FLT1: variants seen among roughly 807,000 people sequenced by gnomAD.
FLT1 encodes vascular endothelial growth factor receptor 1.
FLT1 carries 49 observed loss-of-function variants against 156.3 expected under a neutral mutation model. The ratio of observed to expected loss-of-function variants is 0.31; its 90% CI spans 0.25 to 0.40. The LOEUF (loss-of-function observed/expected upper bound fraction) is 0.40. Among genes scored for constraint, FLT1 ranks in the 10% least tolerant of loss-of-function variants. The pLI is 1.00. For synonymous variants in FLT1, 594 were observed against 583.8 expected, an observed-to-expected ratio of 1.02 and a Z score of -0.25; for missense variants, 1,322 against 1,637.2, an observed-to-expected ratio of 0.81 and a Z score of 3.32.
At chr13:28,402,637 A>G (rs1266311215) in intron 11 of FLT1, among the ~76,000 whole-genome samples, 3 of 152,148 alleles carry the variant, frequency 2.0e-5, no homozygotes, top group Non-Finnish European at 4.4e-5. Flanking sequence ...AGTGCAAACA[A>G]TTGTTTAACA....
intron 10 of FLT1, among the ~76,000 whole-genome samples, chr13:28,411,546 C>CAAAAAAAAAAAAAAAAAA (rs71086852): frequency 1.2e-5 from 1 of 84,740 alleles, no homozygotes; most frequent in Non-Finnish European, 2.3e-5. Flanking sequence ...AACTCCATCT[C>CAAAAAAAAAAAAAAAAAA]AAAAAAAAAA....
At chr13:28,325,564 C>A (rs1413549066) in intron 20 of FLT1, among the ~76,000 whole-genome samples, 1 of 152,100 alleles carries the variant, frequency 6.6e-6, no homozygotes, top group African/African-American at 2.4e-5. Context: ...CCTGTAATCC[C>A]AGCACTTTGT....
intron 3 of FLT1, among the ~76,000 whole-genome samples, chr13:28,440,473 C>T (rs1227265985): frequency 1.3e-5 from 2 of 152,178 alleles, no homozygotes; most frequent in Admixed American, 6.5e-5. Context: ...GAAAGGGCTG[C>T]CAGCAGGTGA....
At chr13:28,419,699 G>A (rs990147715) in intron 10 of FLT1, among the ~76,000 whole-genome samples, 16 of 152,170 alleles carry the variant, frequency 1.1e-4, no homozygotes, top group African/African-American at 1.4e-4. Flanking sequence ...CTAACATGGC[G>A]AAACCGCGTC....
chr13:28,322,421 TTATTGGAACA>T lies in FLT1; in HGVS notation c.2954-72_2954-63del. Reference sequence around the variant, plus strand: ...TCTTGTTATCCCACCAAATCCCAGTTTATTGGAACAATGTTAGCAAAACATAAAACAAACC... The same window carrying T: ...TCTTGTTATCCCACCAAATCCCAGTTATGTTAGCAAAACATAAAACAAACC... On this transcript the variant is annotated intron_variant, in intron 21 of 29. Transcript: ENST00000282397. The surrounding 1 kb of genome is among the most constrained non-coding windows in gnomAD (Gnocchi z 4.3). The T allele has an allele frequency of 9.5e-7, 1 of 1,057,186 alleles. No individual in the cohort carries two copies. Among genetic ancestry groups the T allele is most frequent in the Non-Finnish European group, 1.5e-6 (1 of 674,958 alleles). 65.5% of individuals were successfully genotyped at this position (1,057,186 alleles called of 1,614,324 possible).
chr13:28,354,493 G>T lies in FLT1; in HGVS notation c.2248+3061C>A, dbSNP rs115498046. 7.2e-3 allele frequency among the ~76,000 whole-genome samples: 1,097 copies of T among 152,158 alleles called. 4 individuals are homozygous for T. Among genetic ancestry groups the T allele is most frequent in the African/African-American group, 0.025 (1,025 of 41,480 alleles). On this transcript the variant is annotated intron_variant, in intron 15 of 29. Transcript: ENST00000282397. ...TAAACTATTTCAAGAAAACAATCTT[G>T]TTACCCCCATGTTGTCTCTTTTTTG... is the stretch of plus-strand genomic sequence containing the variant.
intron 18 of FLT1, 43 bp from the exon 19 acceptor site, chr13:28,329,771 G>A: frequency 6.6e-7 from 1 of 1,507,020 alleles, no homozygotes. Flanking sequence ...AGGACAATGG[G>A]GCTCCTTCCG....
At chr13:28,313,387 C>T (rs1007195328) in intron 25 of FLT1, among the ~76,000 whole-genome samples, 3 of 152,172 alleles carry the variant, frequency 2.0e-5, no homozygotes, top group Admixed American at 1.3e-4. Context: ...GGCCAGAGGT[C>T]CATACACACA....
intron 27 of FLT1, 103 bp downstream of exon 27, chr13:28,311,487 T>TC: frequency 3.0e-6 from 3 of 997,482 alleles, no homozygotes; most frequent in Non-Finnish European, 4.5e-6. Flanking sequence ...TCTTTCTTTC[T>TC]CTCTTTCTTT....
chr13:28,318,070 C>CA (rs1210797119), intron 24 of FLT1, among the ~76,000 whole-genome samples: 1 of 152,054 alleles, frequency 6.6e-6, no homozygotes, highest in East Asian at 1.9e-4. Flanking sequence ...GCAATCCTCC[C>CA]ACCTCAGCCT....
chr13:28,425,443 A>T lies in FLT1; in HGVS notation c.1436+1716T>A, dbSNP rs78274066. Among the ~76,000 whole-genome samples the T allele has an allele frequency of 5.8e-3, 886 of 152,292 alleles. 14 individuals carry two copies. The highest frequency in any genetic ancestry group is 0.02 in the African/African-American group (844 of 41,560). ...ACAGAAGAGAGATCCCTTACACCAC[A>T]AAGAAATTGGAAAGAAAGCTAATGT... On this transcript the variant is annotated intron_variant, in intron 10 of 29. Coordinates refer to ENST00000282397, the MANE Select transcript of FLT1 (RefSeq NM_002019.4).
At chr13:28,454,107 C>A (rs1217144341) in intron 3 of FLT1, among the ~76,000 whole-genome samples, 3 of 152,164 alleles carry the variant, frequency 2.0e-5, no homozygotes, top group Non-Finnish European at 4.4e-5. Context: ...TGCTCTTTCC[C>A]CAGTATGGTT....
chr13:28,465,924 T>C (rs1454695094), intron 3 of FLT1, among the ~76,000 whole-genome samples: 1 of 152,350 alleles, frequency 6.6e-6, no homozygotes, highest in Non-Finnish European at 1.5e-5. Flanking sequence ...ACCCAGTTCC[T>C]GACCTCACCA....
chr13:28,441,758 T>C (rs1878346392), intron 3 of FLT1, among the ~76,000 whole-genome samples: 1 of 152,090 alleles, frequency 6.6e-6, no homozygotes, highest in Non-Finnish European at 1.5e-5. Context: ...CTGGGCAACA[T>C]AGCAAGATCC....
chr13:28,391,446 A>G (rs1874707020), intron 12 of FLT1, among the ~76,000 whole-genome samples: 1 of 152,234 alleles, frequency 6.6e-6, no homozygotes, highest in African/African-American at 2.4e-5. Context: ...AAAAGAATGC[A>G]ACCGTTTTTC....
At chr13:28,329,486 A>G in intron 19 of FLT1, 129 bp downstream of exon 19, 1 of 710,332 alleles carries the variant, frequency 1.4e-6, no homozygotes, top group Non-Finnish European at 2.6e-6. Flanking sequence ...TTTCTTCTAG[A>G]GCTATTAGGG....
chr13:28,455,940 A>G (rs1324565586), intron 3 of FLT1, among the ~76,000 whole-genome samples: 1 of 152,240 alleles, frequency 6.6e-6, no homozygotes, highest in East Asian at 1.9e-4. Flanking sequence ...TACTTATTAG[A>G]GCAGCCAAAA....
At chr13:28,384,723 T>C (rs571196356) in intron 14 of FLT1, among the ~76,000 whole-genome samples, 162 bp downstream of exon 14, 1 of 152,264 alleles carries the variant, frequency 6.6e-6, no homozygotes, top group South Asian at 2.1e-4. Context: ...GCCCAAATAT[T>C]CCTCACTGGA....
chr13:28,481,112 C>T (rs1246444729), intron 1 of FLT1, among the ~76,000 whole-genome samples: 2 of 152,206 alleles, frequency 1.3e-5, no homozygotes, highest in African/African-American at 2.4e-5. Context: ...GACTCGGGCT[C>T]TGTTGGTGTA....
Sources: gnomAD v4.1 joint callset for allele counts (sites outside exome capture counted in the v4.1 genomes callset) on GRCh38, gnomAD v4.1.1 for gene constraint, Gnocchi (gnomAD v3.1) non-coding constraint, MANE v1.5 for transcripts, NCBI Gene and HGNC (gene_info 2026-07-23, HGNC 2026-07-21) for gene names.